Variants in PPFIA2 observed in about 807,000 individuals in gnomAD.
The protein encoded by PPFIA2 is liprin-alpha-2.
A neutral mutation model predicts 175.5 loss-of-function variants in PPFIA2; 46 were observed. That is an observed-to-expected ratio of 0.26 (90% CI 0.21 to 0.34). The LOEUF (loss-of-function observed/expected upper bound fraction) is 0.34. PPFIA2 is among the 10% of genes least tolerant of loss of function. The pLI, the probability that PPFIA2 is intolerant of heterozygous loss-of-function variation, is 1.00. For missense variants in PPFIA2, 1,179 were observed against 1,506.1 expected (o/e 0.78, Z 3.60); for synonymous variants, 568 against 511.4 (o/e 1.11, Z -1.49).
chr12:81,512,494 T>G (rs969175396), intron 4 of PPFIA2: 20 of 324,232 alleles, frequency 6.2e-5, no homozygotes, highest in Non-Finnish European at 9.2e-5. Context: ...CACTTAAAAA[T>G]AATTTTAGCT....
intron 4 of PPFIA2, among the ~76,000 whole-genome samples, chr12:81,559,259 T>C (rs1316791331): frequency 6.6e-6 from 1 of 152,174 alleles, no homozygotes; most frequent in African/African-American, 2.4e-5. Context: ...TAAAAAGGAA[T>C]GTGGGTGTGG....
At chr12:81,603,026 A>T (rs920373565) in intron 4 of PPFIA2, among the ~76,000 whole-genome samples, 14 of 151,936 alleles carry the variant, frequency 9.2e-5, no homozygotes, top group Admixed American at 2.6e-4. Flanking sequence ...ATTGCTTTAA[A>T]CATCATTTCT....
chr12:81,655,313 C>T (rs994879186), intron 4 of PPFIA2, among the ~76,000 whole-genome samples: 7 of 151,696 alleles, frequency 4.6e-5, no homozygotes, highest in Non-Finnish European at 8.8e-5. Flanking sequence ...CTGCTACTAA[C>T]ACCATTATTT....
intron 9 of PPFIA2, among the ~76,000 whole-genome samples, chr12:81,376,891 G>A (rs1406994690): frequency 6.6e-6 from 1 of 151,710 alleles, no homozygotes; most frequent in Non-Finnish European, 1.5e-5. Context: ...TCTCCTACAG[G>A]GTCCAGAGCC....
chr12:81,718,468 T>C (rs1254571533), intron 3 of PPFIA2, among the ~76,000 whole-genome samples: 2 of 151,688 alleles, frequency 1.3e-5, no homozygotes, highest in South Asian at 2.1e-4. Context: ...ACAGATTACA[T>C]AGGGCCTTGA....
At chr12:81,393,510 A>G (rs903907293) in intron 8 of PPFIA2, among the ~76,000 whole-genome samples, 2 of 152,080 alleles carry the variant, frequency 1.3e-5, no homozygotes, top group Non-Finnish European at 2.9e-5. Context: ...ACCCTGACAA[A>G]AAGTGTCTCC....
At chr12:81,373,132 T>A (rs1188430313) in intron 11 of PPFIA2, among the ~76,000 whole-genome samples, 1 of 151,862 alleles carries the variant, frequency 6.6e-6, no homozygotes, top group Non-Finnish European at 1.5e-5. Flanking sequence ...GGGGCAGTGA[T>A]TTTCTGAATT....
intron 3 of PPFIA2, among the ~76,000 whole-genome samples, chr12:81,707,750 T>C (rs2077377421): frequency 1.3e-5 from 2 of 151,372 alleles, no homozygotes; most frequent in Non-Finnish European, 2.9e-5. Context: ...CTATTCACAA[T>C]AGCAAAGACT....
rs1004957543 is a variant in PPFIA2, at chr12:81,642,840, C to T, written c.303+33951G>A. Among the ~76,000 whole-genome samples the T allele has an allele frequency of 1.6e-4, 21 of 128,528 alleles. 3 individuals are homozygous for T. The highest frequency in any genetic ancestry group is 4.0e-4 in the African/African-American group (14 of 34,906). The allele number at this position is 128,528 out of a possible 152,430, so 84.3% of individuals were successfully genotyped here. ...TACATGTATATGTATGTATGTATTA[C>T]ATACATATATAACATGTATTACATA... On this transcript the variant is annotated intron_variant, in intron 4 of 32. Transcript: ENST00000549396.
chr12:81,516,981 T>C (rs934602080), intron 4 of PPFIA2, among the ~76,000 whole-genome samples: 1 of 152,092 alleles, frequency 6.6e-6, no homozygotes, highest in Admixed American at 6.6e-5. Flanking sequence ...ATCTTAGACA[T>C]GAAACCAAGA....
chr12:81,758,295 A>G, intron 2 of PPFIA2, 105 bp downstream of exon 2: 1 of 436,678 alleles, frequency 2.3e-6, no homozygotes, highest in Non-Finnish European at 4.6e-6. Flanking sequence ...GTAATCAACA[A>G]GGAGGAATTT....
chr12:81,650,358 T>G (rs757141467), intron 4 of PPFIA2, among the ~76,000 whole-genome samples: 1 of 152,176 alleles, frequency 6.6e-6, no homozygotes, highest in Non-Finnish European at 1.5e-5. Flanking sequence ...CTATTGTACC[T>G]GAGTAAAAAA....
chr12:81,534,422 G>T (rs1449007501), intron 4 of PPFIA2, among the ~76,000 whole-genome samples: 3 of 151,550 alleles, frequency 2.0e-5, no homozygotes, highest in Non-Finnish European at 4.4e-5. Context: ...CATGTTCTAT[G>T]CATGTAACAA....
At chr12:81,734,020 A>C (rs989044956) in intron 3 of PPFIA2, among the ~76,000 whole-genome samples, 1 of 151,798 alleles carries the variant, frequency 6.6e-6, no homozygotes, top group Non-Finnish European at 1.5e-5. Flanking sequence ...TGTCTTCTGA[A>C]AATGTGTAAG....
intron 28 of PPFIA2, among the ~76,000 whole-genome samples, chr12:81,276,693 C>A (rs1292606977): frequency 1.3e-5 from 2 of 152,026 alleles, no homozygotes; most frequent in Admixed American, 1.3e-4. Flanking sequence ...TTTTTTCTAA[C>A]AAACCTGCAA....
intron 4 of PPFIA2, among the ~76,000 whole-genome samples, chr12:81,601,099 T>C (rs74326417): frequency 0.011 from 1,626 of 152,098 alleles, 33 homozygotes; most frequent in African/African-American, 0.033. Flanking sequence ...TACACTTTCT[T>C]TTTCATATTT....
At chr12:81,329,641 T>C (rs1447613311) in intron 21 of PPFIA2, among the ~76,000 whole-genome samples, 2 of 152,142 alleles carry the variant, frequency 1.3e-5, no homozygotes, top group Non-Finnish European at 1.5e-5. Flanking sequence ...GACCACTGTC[T>C]CAGGATGACT....
In PPFIA2 at chr12:81,281,295, A is replaced by C; in HGVS notation, c.3174T>G (p.Asp1058Glu). 1 of 1,610,884 alleles carries C rather than the reference A, an allele frequency of 6.2e-7. No homozygotes were observed. The highest frequency in any genetic ancestry group is 8.5e-7 in the Non-Finnish European group (1 of 1,178,072). ...CCACCATTTTTAAATGGACACGGAG[A>C]TCTTTTTTTGTTAGGTGATCTAACA... is the stretch of plus-strand genomic sequence containing the variant. The part of the protein sequence containing the change: ...ARMLDHLTKK[D>E]LRVHLKMVDS... Residue 1058 changes from aspartate (D) to glutamate (E), a missense_variant, in exon 27 of 33, where the codon GAT (aspartate) becomes GAG (glutamate). This residue lies in a region of PPFIA2 where 245 missense variants were observed against 375.1 expected (regional missense o/e 0.65). Coordinates refer to ENST00000549396, the MANE Select transcript of PPFIA2 (RefSeq NM_003625.5).
chr12:81,643,545 C>G (rs1189183951), intron 4 of PPFIA2, among the ~76,000 whole-genome samples: 5 of 151,966 alleles, frequency 3.3e-5, no homozygotes, highest in Middle Eastern at 3.4e-3. Context: ...ATTGTTATAA[C>G]CAATCAATCC....
Sources: allele counts gnomAD v4.1 joint callset (sites outside exome capture counted in the v4.1 genomes callset), GRCh38; gene constraint gnomAD v4.1.1; regional missense constraint gnomAD v4.1.1; transcripts MANE v1.5; gene names NCBI Gene and HGNC (gene_info 2026-07-23, HGNC 2026-07-21).